Variants in LMF1 observed in about 807,000 individuals in gnomAD.
LMF1 encodes lipase maturation factor 1.
A neutral mutation model predicts 60.6 loss-of-function variants in LMF1; 68 were observed. The ratio of observed to expected loss-of-function variants is 1.12; its 90% CI spans 0.92 to 1.37. The LOEUF (loss-of-function observed/expected upper bound fraction) is 1.37. Ranked by LOEUF, LMF1 falls within the 40% of genes most tolerant of loss-of-function variation. LMF1 has a pLI of 0.00. For synonymous variants in LMF1, 418 were observed against 324.7 expected (o/e 1.29, Z -3.09); for missense variants, 948 against 767.2 (o/e 1.24, Z -2.78).
At chr16:981,347 AGTGTGTGTGTGTGT>A (rs752216162), upstream of LMF1, 10 of 96,290 alleles carry the variant, frequency 1.0e-4, no homozygotes, top group African/African-American at 3.2e-4. Flanking sequence ...AGAGAGAGAG[AGTGTGTGTGTGTGT>A]GTGTGTGTGT....
upstream of LMF1, among the ~76,000 whole-genome samples, chr16:971,780 C>T (rs111498103): frequency 5.6e-3 from 860 of 152,224 alleles, 13 homozygotes; most frequent in African/African-American, 0.017. Context: ...AAAGAAAGGG[C>T]GTGAGGCTAG....
At chr16:911,123 A>T in intron 3 of LMF1, 44 bp from the exon 4 acceptor site, 2 of 1,584,172 alleles carry the variant, frequency 1.3e-6, no homozygotes, top group Non-Finnish European at 1.7e-6. Context: ...TGGAAGCCAC[A>T]CATTTCACAA....
At chr16:917,853 T>C (rs185701161) in intron 3 of LMF1, among the ~76,000 whole-genome samples, 5 of 152,220 alleles carry the variant, frequency 3.3e-5, no homozygotes, top group African/African-American at 9.6e-5. Context: ...TGCAGCTCCC[T>C]GGCCTGTGGT....
At chr16:921,626 G>A (rs1279139827) in intron 3 of LMF1, among the ~76,000 whole-genome samples, 3 of 152,216 alleles carry the variant, frequency 2.0e-5, no homozygotes, top group Non-Finnish European at 4.4e-5. Context: ...GATGGGGCTC[G>A]TGCAAGTTCT....
At position 954,389 on chromosome 16, in the gene LMF1, G is replaced by C. The variant is rs914930651; in HGVS notation, c.471C>G (p.Leu157=). ...NMLLMAALWG[L]YMSLVNVGHV... The stretch of plus-strand genomic sequence containing the variant: ...GGCCCACATTAACCAGGGACATGTA[G>C]AGGCCCCACAGGGCAGCCATGAGAA... The change falls in exon 2 of 11, where the codon CTC becomes CTG. Residue 157 remains leucine, a synonymous_variant. Coordinates refer to ENST00000262301, the MANE Select transcript of LMF1 (RefSeq NM_022773.4). The C allele has an allele frequency of 6.2e-7, 1 of 1,612,870 alleles. No homozygotes were observed. The highest frequency in any genetic ancestry group is 2.2e-5 in the East Asian group (1 of 44,878).
rs1421313924 is a variant in LMF1 at position 970,948 on chromosome 16, G to A, written c.33C>T (p.Pro11=). The A allele has an allele frequency of 1.3e-6, 2 of 1,542,664 alleles. No individual in the cohort carries two copies. Among genetic ancestry groups the A allele is most frequent in the Non-Finnish European group, 8.8e-7 (1 of 1,139,804 alleles). The change falls in exon 1 of 11, where the codon CCC becomes CCT. Residue 11 remains proline, a synonymous_variant. Transcript: ENST00000262301. MRPDSPTMAA[P]AESLRRRKTG... is the part of the protein sequence containing the mutation. ...TCTTCCGCCTCCTCAGCGACTCCGC[G>A]GGCGCCGCCATTGTTGGGCTGTCAG... is the stretch of plus-strand genomic sequence containing the variant.
chr16:922,286 A>T (rs2071452026), intron 3 of LMF1, among the ~76,000 whole-genome samples: 1 of 152,198 alleles, frequency 6.6e-6, no homozygotes, highest in Non-Finnish European at 1.5e-5. Flanking sequence ...GGGAGAAGGC[A>T]GCCACCTCCC....
chr16:957,100 G>A (rs1048398741), intron 1 of LMF1, among the ~76,000 whole-genome samples: 6 of 151,642 alleles, frequency 4.0e-5, no homozygotes, highest in South Asian at 4.2e-4. Context: ...GCAGTGAGCC[G>A]AGATGGCACC....
chr16:947,305 G>A (rs2072260957), intron 2 of LMF1: 1 of 365,722 alleles, frequency 2.7e-6, no homozygotes, highest in African/African-American at 2.1e-5. Flanking sequence ...GACAGAGGCT[G>A]CAGCCCAGCC....
At chr16:876,009 G>A (rs907052168) in intron 6 of LMF1, among the ~76,000 whole-genome samples, 13 of 152,196 alleles carry the variant, frequency 8.5e-5, no homozygotes, top group East Asian at 1.9e-4. Context: ...CCCCTCCCTG[G>A]GTGGCAGTGG....
intron 3 of LMF1, among the ~76,000 whole-genome samples, chr16:911,294 G>A (rs1038135835): frequency 1.6e-4 from 24 of 152,084 alleles, no homozygotes; most frequent in Non-Finnish European, 2.5e-4. Flanking sequence ...GGCCTAGGTC[G>A]GGACTTCCTG....
At chr16:964,011 C>A (rs922825016) in intron 1 of LMF1, 8 of 455,772 alleles carry the variant, frequency 1.8e-5, no homozygotes, top group Admixed American at 1.2e-4. Context: ...AGAGCCATGG[C>A]GGCCACCCGC....
intron 4 of LMF1, chr16:899,849 G>C (rs532864789): frequency 6.6e-6 from 1 of 152,364 alleles, no homozygotes; most frequent in Non-Finnish European, 1.5e-5. Flanking sequence ...CCTTCCTTCC[G>C]ACCCCACGAG....
intron 10 of LMF1, among the ~76,000 whole-genome samples, chr16:861,715 C>T (rs1205216724): frequency 2.0e-5 from 3 of 152,200 alleles, no homozygotes; most frequent in Admixed American, 6.5e-5. Flanking sequence ...ACAAAGACAA[C>T]GGCGTCATCT....
intron 10 of LMF1, among the ~76,000 whole-genome samples, chr16:866,421 T>TG (rs1241048610): frequency 1.3e-5 from 2 of 151,744 alleles, no homozygotes; most frequent in Non-Finnish European, 2.9e-5. Flanking sequence ...GCTGGCTGGG[T>TG]GGTGGTGAAG....
At chr16:932,090 G>A (rs1382053190) in intron 3 of LMF1, among the ~76,000 whole-genome samples, 2 of 152,216 alleles carry the variant, frequency 1.3e-5, no homozygotes, top group Non-Finnish European at 2.9e-5. Context: ...GGGGACGCGG[G>A]AGGCTGGCTC....
Position 874,252 on chromosome 16 carries a change from G to A in LMF1, c.898-2911C>T, listed in dbSNP as rs939048519. Among the ~76,000 whole-genome samples the A allele has an allele frequency of 8.6e-5, 13 of 151,822 alleles. No individual in the cohort carries two copies. The highest frequency in any genetic ancestry group is 1.9e-4 in the Non-Finnish European group (13 of 67,888). On this transcript the variant is annotated intron_variant, in intron 6 of 10. Transcript: ENST00000262301. The surrounding 1 kb of genome is among the most constrained non-coding windows in gnomAD (Gnocchi z 4.1). ...GCCCAGCTCTGGGACAGAGCCTCAGGACAGCCGGCCTGTGTGTGCGGGGCT... is the reference window on the plus strand; with the variant it reads ...GCCCAGCTCTGGGACAGAGCCTCAGAACAGCCGGCCTGTGTGTGCGGGGCT...
At chr16:926,725 G>A (rs2071620870) in intron 3 of LMF1, among the ~76,000 whole-genome samples, 1 of 152,214 alleles carries the variant, frequency 6.6e-6, no homozygotes, top group Non-Finnish European at 1.5e-5. Flanking sequence ...AGGGGTCCCG[G>A]CATCCACCCA....
chr16:975,460 C>T (rs756285094), upstream of LMF1, among the ~76,000 whole-genome samples: 17 of 152,326 alleles, frequency 1.1e-4, no homozygotes, highest in East Asian at 5.8e-4. Flanking sequence ...TAGCGGTCAC[C>T]GACGGCCACA....
Sources: gnomAD v4.1 joint callset for allele counts (sites outside exome capture counted in the v4.1 genomes callset) on GRCh38, gnomAD v4.1.1 for gene constraint, Gnocchi (gnomAD v3.1) non-coding constraint, MANE v1.5 for transcripts, NCBI Gene and HGNC (gene_info 2026-07-23, HGNC 2026-07-21) for gene names.